SMG7: variants seen among roughly 807,000 people sequenced by gnomAD.
SMG7 encodes the protein SMG7 nonsense mediated mRNA decay factor.
SMG7 carries 34 observed loss-of-function variants against 148.2 expected under a neutral mutation model. The ratio of observed to expected loss-of-function variants is 0.23; its 90% CI spans 0.17 to 0.31. SMG7 has a LOEUF of 0.31. Ranked by LOEUF, SMG7 falls within the 10% of genes least tolerant of loss-of-function variation. The pLI is 1.00. For synonymous variants in SMG7, 492 were observed against 515.1 expected, an observed-to-expected ratio of 0.96 and a Z score of 0.61; for missense variants, 1,114 against 1,408.4, an observed-to-expected ratio of 0.79 and a Z score of 3.35.
chr1:183,473,858 A>G (rs1182760789), intron 1 of SMG7: 1 of 985,266 alleles, frequency 1.0e-6, no homozygotes, highest in East Asian at 1.1e-4. Context: ...GTGACATGAA[A>G]GTATTGACGT....
intron 2 of SMG7, 161 bp downstream of exon 2, chr1:183,513,029 T>C: frequency 1.6e-6 from 1 of 610,372 alleles, no homozygotes; most frequent in Admixed American, 3.8e-5. Flanking sequence ...TTATGTAGTT[T>C]GAATTCTTGC....
intron 16 of SMG7, 120 bp from the exon 17 acceptor site, chr1:183,545,846 G>T: frequency 1.7e-6 from 2 of 1,181,634 alleles, no homozygotes; most frequent in Non-Finnish European, 2.4e-6. Context: ...GGAAACTGCT[G>T]CCTTGCCTAG....
chr1:183,548,542 G>A (rs1010214972), intron 18 of SMG7, among the ~76,000 whole-genome samples: 1 of 151,798 alleles, frequency 6.6e-6, no homozygotes, highest in Non-Finnish European at 1.5e-5. Context: ...AAAAAACTTC[G>A]ACTATAACCC....
chr1:183,498,343 A>G (rs554269711), intron 1 of SMG7, among the ~76,000 whole-genome samples: 1 of 152,276 alleles, frequency 6.6e-6, no homozygotes, highest in African/African-American at 2.4e-5. Flanking sequence ...AGCCTGGGCA[A>G]CATGACAAAA....
chr1:183,540,965 T>C lies in SMG7; in HGVS notation c.1296-19T>C, dbSNP rs374221806. 5 of 1,610,412 alleles carry C rather than the reference T, an allele frequency of 3.1e-6. No homozygotes were observed. The highest frequency in any genetic ancestry group is 3.4e-6 in the Non-Finnish European group (4 of 1,177,658). On this transcript the variant is annotated intron_variant, in intron 12 of 22. Coordinates refer to ENST00000688051, the MANE Select transcript of SMG7 (RefSeq NM_001375584.1). Reference sequence around the variant, plus strand: ...TTTAGCAATTTAATATTCTCATAACTTGCTTGTGTCAATTTTAGGAACTTG... The same window carrying C: ...TTTAGCAATTTAATATTCTCATAACCTGCTTGTGTCAATTTTAGGAACTTG...
chr1:183,546,126 C>G lies in SMG7; in HGVS notation c.2531C>G (p.Pro844Arg), dbSNP rs200776184. 8 of 1,613,838 alleles carry G rather than the reference C, an allele frequency of 5.0e-6. No individual in the cohort carries two copies. The highest frequency in any genetic ancestry group is 6.8e-6 in the Non-Finnish European group (8 of 1,179,944). The change falls in exon 17 of 23, where the codon CCT becomes CGT. Residue 844 changes from proline to arginine, a missense_variant. Pro to Arg is a moderately radical substitution (Grantham distance 103, BLOSUM62 -2). Coordinates refer to ENST00000688051, the MANE Select transcript of SMG7 (RefSeq NM_001375584.1). ...CAACCTCCTGTAATGCAGCAGCAGC[C>G]TCTAGAAAAAAAAATGAAGCCTTTT... ...SLQPPVMQQQPLEKKMKPFPM... is the reference protein window; with the variant it reads ...SLQPPVMQQQRLEKKMKPFPM...
chr1:183,497,946 T>C (rs1280581747), intron 1 of SMG7, among the ~76,000 whole-genome samples: 2 of 152,226 alleles, frequency 1.3e-5, no homozygotes, highest in East Asian at 3.8e-4. Context: ...TCTAGATAAT[T>C]AAATTGTCAT....
chr1:183,494,936 C>T (rs1391028916), intron 1 of SMG7, among the ~76,000 whole-genome samples: 1 of 151,490 alleles, frequency 6.6e-6, no homozygotes, highest in African/African-American at 2.4e-5. Flanking sequence ...TCAAGCGATT[C>T]TCCTGCCTCA....
chr1:183,550,687 TGTA>T, intron 20 of SMG7, 61 bp from the exon 21 acceptor site: 1 of 1,502,634 alleles, frequency 6.7e-7, no homozygotes, highest in South Asian at 1.1e-5. Flanking sequence ...TACAGGAACC[TGTA>T]GTTCTTTGTA....
At chr1:183,504,676 C>A (rs1423849015) in intron 1 of SMG7, among the ~76,000 whole-genome samples, 1 of 152,072 alleles carries the variant, frequency 6.6e-6, no homozygotes, top group Non-Finnish European at 1.5e-5. Context: ...TTTGTCTAGT[C>A]CACATGGCTC....
chr1:183,545,457 C>T, intron 16 of SMG7, 145 bp downstream of exon 16: 1 of 949,202 alleles, frequency 1.1e-6, no homozygotes, highest in Non-Finnish European at 1.5e-6. Flanking sequence ...ATTGTCTCTA[C>T]TGTTTATGAA....
intron 1 of SMG7, among the ~76,000 whole-genome samples, chr1:183,474,744 T>A (rs1386971167): frequency 1.3e-5 from 2 of 152,204 alleles, no homozygotes; most frequent in Non-Finnish European, 2.9e-5. Flanking sequence ...TGTACCAACA[T>A]CTGAGAATAG....
At chr1:183,477,347 C>T (rs1652486982) in intron 1 of SMG7, among the ~76,000 whole-genome samples, 1 of 152,040 alleles carries the variant, frequency 6.6e-6, no homozygotes, top group Non-Finnish European at 1.5e-5. Flanking sequence ...GAAGTGGATT[C>T]CTACTGTTAG....
At chr1:183,501,677 G>C (rs1659748937) in intron 1 of SMG7, among the ~76,000 whole-genome samples, 1 of 152,028 alleles carries the variant, frequency 6.6e-6, no homozygotes, top group Admixed American at 6.6e-5. Context: ...CTCTACATTA[G>C]ATTTTAAATC....
At chr1:183,549,127 T>C in intron 18 of SMG7, 81 bp from the exon 19 acceptor site, 2 of 1,060,782 alleles carry the variant, frequency 1.9e-6, no homozygotes, top group Non-Finnish European at 2.8e-6. Context: ...ATGCTTTTGC[T>C]TTGGTTCCAT....
chr1:183,533,176 C>T lies in SMG7; in HGVS notation c.856C>T (p.Gln286Ter), dbSNP rs1275261410. ...LEEQFKRLLF[Q>*]KAFNSQQLVH... ...TCTTCTTTTACAGAGGCTGCTATTC[C>T]AAAAAGCTTTCAACTCTCAGCAGTT... Residue 286 changes from glutamine to a stop codon, truncating the protein, a stop_gained, in exon 9 of 23, where the codon CAA becomes TAA. Transcript: ENST00000688051. LOFTEE classifies it high-confidence loss of function. The T allele has an allele frequency of 6.2e-7, 1 of 1,613,320 alleles. No individual in the cohort carries two copies.
chr1:183,533,868 CTTTG>C (rs746779027), intron 10 of SMG7, 36 bp downstream of exon 10: 46 of 1,564,282 alleles, frequency 2.9e-5, no homozygotes, highest in East Asian at 1.6e-4. Flanking sequence ...AACTTGTGTG[CTTTG>C]TTTGTTTGAT....
At chr1:183,474,000 CAATGCTTG>C (rs1651451988) in intron 1 of SMG7, 1 of 407,448 alleles carries the variant, frequency 2.5e-6, no homozygotes, top group Admixed American at 6.4e-5. Context: ...GATATTTGAA[CAATGCTTG>C]AATGCTTGAT....
At chr1:183,516,225 C>T in intron 3 of SMG7, 1 of 368,478 alleles carries the variant, frequency 2.7e-6, no homozygotes. Flanking sequence ...ATTACGGCAG[C>T]TCTTTTAGGG....
Sources: gnomAD v4.1 joint callset for allele counts (sites outside exome capture counted in the v4.1 genomes callset) on GRCh38, gnomAD v4.1.1 for gene constraint, MANE v1.5 for transcripts, NCBI Gene and HGNC (gene_info 2026-07-23, HGNC 2026-07-21) for gene names.